Variants in MYO3A observed in about 807,000 individuals in gnomAD.
The protein encoded by MYO3A is myosin-IIIa.
Under a neutral mutation model 192.7 loss-of-function variants are expected in MYO3A, and 180 were observed. That is an observed-to-expected ratio of 0.93 (90% CI 0.83 to 1.06). The LOEUF is 1.06. Ranked by LOEUF, MYO3A falls within the 50% of genes least tolerant of loss-of-function variation. The pLI is 0.00. For missense variants in MYO3A, 1,896 were observed against 1,905.0 expected (o/e 1.00, Z 0.09); for synonymous variants, 628 against 645.3 (o/e 0.97, Z 0.41).
chr10:26,186,543 G>A (rs555082576), intron 31 of MYO3A, among the ~76,000 whole-genome samples: 1 of 152,280 alleles, frequency 6.6e-6, no homozygotes, highest in East Asian at 1.9e-4. Context: ...TGGGATTACA[G>A]GTGTGAGCCA....
At chr10:26,151,864 C>T (rs1247021165) in intron 23 of MYO3A, among the ~76,000 whole-genome samples, 2 of 151,952 alleles carry the variant, frequency 1.3e-5, no homozygotes, top group African/African-American at 4.9e-5. Flanking sequence ...GGATCAATGT[C>T]CTTACACTGC....
intron 20 of MYO3A, among the ~76,000 whole-genome samples, chr10:26,133,386 C>T (rs1385644818): frequency 2.0e-5 from 3 of 152,206 alleles, no homozygotes; most frequent in African/African-American, 7.2e-5. Context: ...ACCCTTGCAG[C>T]AGCTCTGGGC....
chr10:26,000,776 T>C (rs763311617), intron 6 of MYO3A, among the ~76,000 whole-genome samples: 25 of 152,106 alleles, frequency 1.6e-4, no homozygotes, highest in Non-Finnish European at 3.1e-4. Flanking sequence ...AGCTCTTACC[T>C]TCTGTATTAG....
intron 21 of MYO3A, among the ~76,000 whole-genome samples, chr10:26,144,853 A>T (rs1840359499): frequency 1.3e-5 from 2 of 152,114 alleles, no homozygotes. Flanking sequence ...CTGAGTCAGA[A>T]ACTCTGCGAT....
intron 21 of MYO3A, among the ~76,000 whole-genome samples, chr10:26,144,899 G>A (rs907272616): frequency 1.3e-5 from 2 of 152,176 alleles, no homozygotes; most frequent in African/African-American, 4.8e-5. Flanking sequence ...CCCTCAGCCA[G>A]GTGCAGTGGC....
intron 17 of MYO3A, among the ~76,000 whole-genome samples, chr10:26,097,692 C>T (rs1837138586): frequency 6.6e-6 from 1 of 152,174 alleles, no homozygotes; most frequent in African/African-American, 2.4e-5. Context: ...CAGCTTCATC[C>T]TTGTCCCTAC....
chr10:26,040,229 G>GT (rs1185205721), intron 10 of MYO3A, among the ~76,000 whole-genome samples: 1 of 150,746 alleles, frequency 6.6e-6, no homozygotes, highest in African/African-American at 2.4e-5. Context: ...ACATAAACAT[G>GT]TTTTTTGAGA....
Position 26,084,710 on chromosome 10 carries a change from C to T in MYO3A, c.1360-3493C>T, listed in dbSNP as rs180935564. Among the ~76,000 whole-genome samples, 8 of 152,236 alleles carry T rather than the reference C, an allele frequency of 5.3e-5. No homozygotes were observed. The East Asian group carries it at 1.5e-3, about 29-fold the overall frequency. On this transcript the variant is annotated intron_variant, in intron 14 of 34. Transcript: ENST00000642920. ...GTACAGATGAGGTCTCACTTTGTTG[C>T]CCAGGCTGGTCTCAAACTCCTGGCT...
intron 34 of MYO3A, among the ~76,000 whole-genome samples, chr10:26,209,250 C>CT (rs757132246): frequency 1.3e-5 from 2 of 152,214 alleles, no homozygotes; most frequent in African/African-American, 2.4e-5. Flanking sequence ...CAAGTGCTAT[C>CT]ATTGACTCAA....
In MYO3A at chr10:26,033,772, G is replaced by C. The variant is rs1374260755; in HGVS notation, c.953+7240G>C. On this transcript the variant is annotated intron_variant, in intron 10 of 34. Transcript: ENST00000642920. ...TAGCAGGGGCAGGAGGGCTTATCCAGGAGGTCGCCTTTGAATCAGCACCAT... is the reference window on the plus strand; with the variant it reads ...TAGCAGGGGCAGGAGGGCTTATCCACGAGGTCGCCTTTGAATCAGCACCAT... Among the ~76,000 whole-genome samples, 3 of 152,186 alleles carry C rather than the reference G, an allele frequency of 2.0e-5. No individual in the cohort carries two copies. In the East Asian group the frequency reaches 5.8e-4, roughly 29 times the overall value.
rs763243653 is a variant in MYO3A, at chr10:26,026,454, G to T, written c.875G>T (p.Gly292Val). The change falls in exon 10 of 35, where the codon GGC (glycine) becomes GTC (valine). Residue 292 changes from glycine (G) to valine (V), a missense_variant. Coordinates refer to ENST00000642920, the MANE Select transcript of MYO3A (RefSeq NM_017433.5). The stretch of plus-strand genomic sequence containing the variant: ...CATAAATTCATTACTCAAATTGAGG[G>T]CAAAGATGTGATGCTACAAAAACAA... ...LQHKFITQIE[G>V]KDVMLQKQLT... is the part of the protein sequence containing the mutation. 2 of 1,613,982 alleles carry T rather than the reference G, an allele frequency of 1.2e-6. No individual in the cohort carries two copies. Among genetic ancestry groups the T allele is most frequent in the Non-Finnish European group, 1.7e-6 (2 of 1,180,006 alleles).
At chr10:26,166,242 C>T in intron 27 of MYO3A, 64 bp downstream of exon 27, 1 of 1,303,362 alleles carries the variant, frequency 7.7e-7, no homozygotes. Context: ...AGAATTGTAA[C>T]ATTTTACAAT....
intron 10 of MYO3A, 64 bp downstream of exon 10, chr10:26,026,596 A>G (rs1051480042): frequency 1.8e-5 from 29 of 1,583,672 alleles, no homozygotes; most frequent in Non-Finnish European, 2.4e-5. Flanking sequence ...ACAGTTTAAC[A>G]ATGTATTAGT....
At chr10:26,097,804 G>A (rs1291496986) in intron 17 of MYO3A, among the ~76,000 whole-genome samples, 2 of 152,078 alleles carry the variant, frequency 1.3e-5, no homozygotes, top group Non-Finnish European at 2.9e-5. Context: ...CATTTGGGTT[G>A]GTTCCAAGTC....
intron 4 of MYO3A, among the ~76,000 whole-genome samples, chr10:25,961,974 A>G (rs191734963): frequency 6.6e-6 from 1 of 152,318 alleles, no homozygotes; most frequent in Admixed American, 6.5e-5. Context: ...ATGTGAATCT[A>G]CATACAGAAG....
chr10:26,154,746 G>A lies in MYO3A; in HGVS notation c.2716G>A (p.Gly906Ser), dbSNP rs774972180. ...TSEKLINLAK[G>S]DTGEATRHAR... ...TCACTGTCTTCCTTGGTCTCCTTAG[G>A]GCGACACTGGAGAAGCCACACGTCA... The change falls in exon 25 of 35, where the codon GGC becomes AGC. Residue 906 changes from glycine to serine, a missense_variant and splice_region_variant. Coordinates refer to ENST00000642920, the MANE Select transcript of MYO3A (RefSeq NM_017433.5). The A allele has an allele frequency of 6.2e-6, 10 of 1,613,382 alleles. No individual in the cohort carries two copies. The South Asian group carries it at 1.1e-4, about 18-fold the overall frequency.
At chr10:26,175,730 A>G (rs1170633001) in intron 30 of MYO3A, among the ~76,000 whole-genome samples, 1 of 152,204 alleles carries the variant, frequency 6.6e-6, no homozygotes, top group Non-Finnish European at 1.5e-5. Context: ...TTCTCACTCC[A>G]AAGACCAAAT....
intron 6 of MYO3A, among the ~76,000 whole-genome samples, chr10:26,001,681 G>A (rs772789452): frequency 9.9e-5 from 15 of 152,104 alleles, no homozygotes; most frequent in Non-Finnish European, 1.9e-4. Context: ...CTGACACAAG[G>A]TCTTAAAAGA....
intron 26 of MYO3A, among the ~76,000 whole-genome samples, chr10:26,162,571 A>G (rs1490808867): frequency 6.6e-6 from 1 of 152,214 alleles, no homozygotes; most frequent in Non-Finnish European, 1.5e-5. Flanking sequence ...ATTTTCCTCA[A>G]TGCTTTGTAA....
Sources: allele counts gnomAD v4.1 joint callset (sites outside exome capture counted in the v4.1 genomes callset), GRCh38; gene constraint gnomAD v4.1.1; transcripts MANE v1.5; gene names NCBI Gene and HGNC (gene_info 2026-07-23, HGNC 2026-07-21).